SGSM1: variants seen among roughly 807,000 people sequenced by gnomAD.
SGSM1 encodes small G protein signaling modulator 1, also known as RUN and TBC1 domain containing 2.
In SGSM1, 73 loss-of-function variants were observed where a neutral mutation model predicts 133.8. The ratio of observed to expected loss-of-function variants is 0.55; its 90% CI spans 0.45 to 0.66. SGSM1 has a LOEUF of 0.66. SGSM1 is among the 30% of genes least tolerant of loss of function. SGSM1 has a pLI of 0.00. For missense variants in SGSM1, 1,213 were observed against 1,448.1 expected, an observed-to-expected ratio of 0.84 and a Z score of 2.64; for synonymous variants, 563 against 573.0, an observed-to-expected ratio of 0.98 and a Z score of 0.25.
At chr22:24,900,340 CTTCTTTCT>C (rs201367603) in intron 19 of SGSM1, among the ~76,000 whole-genome samples, 16,122 of 125,448 alleles carry the variant, frequency 0.13, 1,219 homozygotes, top group Admixed American at 0.16. Context: ...TTGTTAACCT[CTTCTTTCT>C]TTCTTTCTTT....
At position 24,857,407 on chromosome 22, in the gene SGSM1, C is replaced by CAAAA. The variant is rs35981293; in HGVS notation, c.801+1741_801+1744dup. 5.1e-3 allele frequency among the ~76,000 whole-genome samples: 619 copies of CAAAA among 120,334 alleles called. 13 individuals carry two copies. The highest frequency in any genetic ancestry group is 0.019 in the African/African-American group (573 of 30,908). The allele number at this position is 120,334 out of a possible 152,430, so 78.9% of individuals were successfully genotyped here. A position where few individuals can be genotyped will look rare whatever the true frequency, so the allele number is the denominator to read the frequency against. Reference sequence around the variant, plus strand: ...TAGGCAACAGAGCGAGACTCTGTCTCAAAAAAAAAAAAAAAAAGCTATTTA... The same window carrying CAAAA: ...TAGGCAACAGAGCGAGACTCTGTCTCAAAAAAAAAAAAAAAAAAAAAGCTATTTA... On this transcript the variant is annotated intron_variant, in intron 8 of 24. Coordinates refer to ENST00000400358, the MANE Select transcript of SGSM1 (RefSeq NM_001098497.3).
intron 2 of SGSM1, among the ~76,000 whole-genome samples, chr22:24,812,579 G>A (rs1489280631): frequency 1.3e-5 from 2 of 152,184 alleles, no homozygotes; most frequent in African/African-American, 4.8e-5. Context: ...AGGTCCATTA[G>A]TCCCAGCTTG....
At chr22:24,853,486 A>G (rs1272892768) in intron 5 of SGSM1, among the ~76,000 whole-genome samples, 2 of 152,220 alleles carry the variant, frequency 1.3e-5, no homozygotes, top group African/African-American at 2.4e-5. Flanking sequence ...TTGATGGTGT[A>G]TTAGTTCGTT....
intron 2 of SGSM1, among the ~76,000 whole-genome samples, chr22:24,824,571 C>A (rs146964010): frequency 1.3e-5 from 2 of 150,830 alleles, no homozygotes; most frequent in East Asian, 3.9e-4. Flanking sequence ...TTAAAAGCCA[C>A]CAGCTCTTTC....
intron 21 of SGSM1, among the ~76,000 whole-genome samples, chr22:24,908,815 G>A (rs139754): frequency 0.37 from 53,986 of 146,356 alleles, 10,104 homozygotes; most frequent in East Asian, 0.63. Flanking sequence ...AAAAAAAAAA[G>A]AAAGAAAGAC....
At chr22:24,814,409 C>A (rs1721204780) in intron 2 of SGSM1, among the ~76,000 whole-genome samples, 1 of 151,976 alleles carries the variant, frequency 6.6e-6, no homozygotes, top group Non-Finnish European at 1.5e-5. Context: ...ACAGAGATGG[C>A]AAGGAGTTCG....
chr22:24,864,369 C>T (rs867324569), intron 9 of SGSM1, among the ~76,000 whole-genome samples: 1 of 152,214 alleles, frequency 6.6e-6, no homozygotes, highest in Non-Finnish European at 1.5e-5. Flanking sequence ...TACACAAATG[C>T]TTATAACAGC....
At chr22:24,829,461 C>A (rs887608104) in intron 2 of SGSM1, among the ~76,000 whole-genome samples, 4 of 152,154 alleles carry the variant, frequency 2.6e-5, no homozygotes, top group African/African-American at 9.7e-5. Context: ...ATCTGTACAA[C>A]AAACTCACGT....
intron 9 of SGSM1, among the ~76,000 whole-genome samples, chr22:24,865,229 A>G (rs1226453049): frequency 2.0e-5 from 3 of 152,226 alleles, no homozygotes; most frequent in Non-Finnish European, 4.4e-5. Flanking sequence ...AACAAAGCAG[A>G]ACCATTCTGC....
At chr22:24,912,823 C>A (rs1933682569) in intron 22 of SGSM1, 71 bp downstream of exon 22, 2 of 1,117,854 alleles carry the variant, frequency 1.8e-6, no homozygotes, top group Non-Finnish European at 2.6e-6. Context: ...TGGCTCCAGA[C>A]TGAGCTATTT....
At chr22:24,919,788 C>G in intron 23 of SGSM1, 38 bp from the exon 24 acceptor site, 1 of 1,611,616 alleles carries the variant, frequency 6.2e-7, no homozygotes, top group South Asian at 1.1e-5. Context: ...TGAGCCCCGT[C>G]ACCAATTCTC....
intron 21 of SGSM1, among the ~76,000 whole-genome samples, chr22:24,911,047 G>A (rs1933598029): frequency 6.6e-6 from 1 of 151,936 alleles, no homozygotes; most frequent in South Asian, 2.1e-4. Context: ...ACTAGCCTGG[G>A]CAACATGGTG....
chr22:24,841,566 G>A (rs147739769), intron 2 of SGSM1, among the ~76,000 whole-genome samples: 1 of 152,254 alleles, frequency 6.6e-6, no homozygotes, highest in African/African-American at 2.4e-5. Flanking sequence ...GATCCTTCTG[G>A]CTGTATTAAA....
chr22:24,846,766 T>G (rs1930172066), intron 3 of SGSM1, among the ~76,000 whole-genome samples: 1 of 152,152 alleles, frequency 6.6e-6, no homozygotes, highest in Non-Finnish European at 1.5e-5. Flanking sequence ...TTAAGATATC[T>G]AAGAGATCAT....
intron 12 of SGSM1, among the ~76,000 whole-genome samples, chr22:24,874,766 G>A (rs1219148372): frequency 7.2e-5 from 11 of 152,204 alleles, no homozygotes; most frequent in East Asian, 1.9e-4. Flanking sequence ...GTTCAGTAGC[G>A]AAGGGATCAA....
intron 2 of SGSM1, among the ~76,000 whole-genome samples, chr22:24,822,282 CAG>C (rs779911120): frequency 1.3e-5 from 2 of 151,778 alleles, no homozygotes; most frequent in African/African-American, 2.4e-5. Context: ...TTAGTAGAGA[CAG>C]GGTTTCACTG....
chr22:24,889,065 G>T (rs1199328500), intron 16 of SGSM1, among the ~76,000 whole-genome samples: 4 of 146,622 alleles, frequency 2.7e-5, no homozygotes, highest in African/African-American at 1.0e-4. Context: ...AGGTTCAAGT[G>T]ATTCTCCTGC....
chr22:24,876,489 G>A, intron 12 of SGSM1, 88 bp from the exon 13 acceptor site: 7 of 1,551,188 alleles, frequency 4.5e-6, no homozygotes, highest in Middle Eastern at 2.2e-4. Context: ...GCTGGGGCGG[G>A]TGAGCTGCTT....
intron 2 of SGSM1, among the ~76,000 whole-genome samples, chr22:24,816,585 T>G (rs1240013999): frequency 6.6e-6 from 1 of 152,184 alleles, no homozygotes; most frequent in African/African-American, 2.4e-5. Flanking sequence ...CTGGCTAATT[T>G]TTGTATTGAC....
Sources: gnomAD v4.1 joint callset for allele counts (sites outside exome capture counted in the v4.1 genomes callset) on GRCh38, gnomAD v4.1.1 for gene constraint, MANE v1.5 for transcripts, NCBI Gene and HGNC (gene_info 2026-07-23, HGNC 2026-07-21) for gene names.